Variants in GNPNAT1 observed in about 807,000 individuals in gnomAD.
GNPNAT1 encodes glucosamine-phosphate N-acetyltransferase 1.
GNPNAT1 carries 11 observed loss-of-function variants against 19.8 expected under a neutral mutation model. The observed-to-expected ratio is 0.56, with a 90% CI of 0.35 to 0.92. The LOEUF is 0.92. Ranked by LOEUF, GNPNAT1 falls within the 40% of genes least tolerant of loss-of-function variation. The probability of loss-of-function intolerance (pLI) is 0.01; values close to 1 mark genes in which losing one functional copy is unlikely to be tolerated. For synonymous variants in GNPNAT1, 71 were observed against 72.3 expected (o/e 0.98, Z 0.09); for missense variants, 157 against 211.0 (o/e 0.74, Z 1.59).
rs1883164056 is a variant in GNPNAT1, at chr14:52,791,127, C to G, written c.-15+301G>C. On this transcript the variant is annotated intron_variant, in intron 1 of 5. Transcript: ENST00000216410. This position sits in a 1 kb window ranked among gnomAD's most constrained non-coding sequence, Gnocchi z 4.1. ...ATTTCCCACGCCAAAGTCTGGGGAG[C>G]GAAGTTCCGACCCCAGTCCCAGTTC... 6.6e-6 allele frequency among the ~76,000 whole-genome samples: 1 copy of G among 152,168 alleles called. No homozygotes were observed. Among genetic ancestry groups the G allele is most frequent in the Admixed American group, 6.5e-5 (1 of 15,278 alleles).
intron 1 of GNPNAT1, among the ~76,000 whole-genome samples, chr14:52,788,667 T>C (rs1288254756): frequency 6.6e-6 from 1 of 152,220 alleles, no homozygotes; most frequent in Non-Finnish European, 1.5e-5. Flanking sequence ...ATTAAACATA[T>C]AGTTGTAAAT....
chr14:52,786,996 T>G (rs1883038612), intron 1 of GNPNAT1, among the ~76,000 whole-genome samples: 1 of 151,768 alleles, frequency 6.6e-6, no homozygotes, highest in Admixed American at 6.6e-5. Context: ...GCACAAATAT[T>G]TTACACAATA....
At chr14:52,786,053 A>G (rs1424196563) in intron 1 of GNPNAT1, among the ~76,000 whole-genome samples, 13 of 120,734 alleles carry the variant, frequency 1.1e-4, no homozygotes, top group Non-Finnish European at 2.2e-4. Flanking sequence ...GTCTAGCCAC[A>G]TGTAGCTTTT....
chr14:52,779,691 C>G (rs1882835316), intron 5 of GNPNAT1, among the ~76,000 whole-genome samples: 1 of 127,670 alleles, frequency 7.8e-6, no homozygotes, highest in Non-Finnish European at 1.6e-5. Context: ...ACTGTATACT[C>G]CAGCCTGGGC....
At chr14:52,783,768 A>G (rs1352419069) in intron 2 of GNPNAT1, among the ~76,000 whole-genome samples, 1 of 152,138 alleles carries the variant, frequency 6.6e-6, no homozygotes, top group Non-Finnish European at 1.5e-5. Context: ...TCAATGTATT[A>G]TATTTTACAT....
chr14:52,781,517 A>T (rs960072510), intron 4 of GNPNAT1, among the ~76,000 whole-genome samples: 7 of 151,828 alleles, frequency 4.6e-5, no homozygotes, highest in Admixed American at 6.6e-5. Context: ...TGTTTTTTTT[A>T]AAAGAGTAAC....
At chr14:52,788,994 GTTAACTC>G (rs1225109763) in intron 1 of GNPNAT1, among the ~76,000 whole-genome samples, 1 of 152,116 alleles carries the variant, frequency 6.6e-6, no homozygotes, top group African/African-American at 2.4e-5. Flanking sequence ...CTTTCTATAT[GTTAACTC>G]TTAAAAATAC....
rs745995419 is a variant in GNPNAT1, at chr14:52,778,251, A to C, written c.*60T>G. On this transcript the variant is annotated 3_prime_UTR_variant, in exon 6 of 6. Transcript: ENST00000216410. ...TCGGCTGCAGCAACAAAATATTTCA[A>C]CTCTAGGAAGAGTGTAGCCTTGTAG... 11 of 1,318,348 alleles carry C rather than the reference A, an allele frequency of 8.3e-6. No homozygotes were observed. The highest frequency in any genetic ancestry group is 1.1e-5 in the Non-Finnish European group (11 of 971,506). 81.7% of individuals were successfully genotyped at this position (1,318,348 alleles called of 1,614,324 possible).
chr14:52,786,174 A>G (rs1883014393), intron 1 of GNPNAT1, among the ~76,000 whole-genome samples: 1 of 150,456 alleles, frequency 6.6e-6, no homozygotes, highest in Admixed American at 6.7e-5. Flanking sequence ...CTAGATATAC[A>G]CTGCAGGATT....
Position 52,776,160 on chromosome 14 carries a change from AC to A in GNPNAT1, c.*2150del, listed in dbSNP as rs1223868357. ...GCGCTCTAGCCTGGGCAACAGCGAG[AC>A]CTTGTCTCAACAACAACAACAACAA... On this transcript the variant is annotated 3_prime_UTR_variant, in exon 6 of 6. Coordinates refer to ENST00000216410, the MANE Select transcript of GNPNAT1 (RefSeq NM_198066.4). 6.6e-6 allele frequency: 1 copy of A among 152,330 alleles called. No homozygotes were observed. Among genetic ancestry groups the A allele is most frequent in the Non-Finnish European group, 1.5e-5 (1 of 68,272 alleles). The allele number at this position is 152,330 out of a possible 1,614,324, so 9.4% of individuals were successfully genotyped here.
Position 52,778,326 on chromosome 14 carries a change from C to T in GNPNAT1, c.540G>A (p.Arg180=). The T allele has an allele frequency of 6.3e-7, 1 of 1,593,702 alleles. No homozygotes were observed. Among genetic ancestry groups the T allele is most frequent in the South Asian group, 1.1e-5 (1 of 88,098 alleles). The change falls in exon 6 of 6, where the codon CGG becomes CGA. Residue 180 remains arginine (R), a synonymous_variant. Coordinates refer to ENST00000216410, the MANE Select transcript of GNPNAT1 (RefSeq NM_198066.4). ...YTVSEENYMC[R]RFLK is the part of the protein sequence containing the mutation. ...TACAAGATTTTTACTTTAGAAACCT[C>T]CGACACATGTAGTTTTCTTCAGATA...
chr14:52,778,653 C>T (rs530372374), intron 5 of GNPNAT1, among the ~76,000 whole-genome samples, 195 bp from the exon 6 acceptor site: 3 of 152,168 alleles, frequency 2.0e-5, no homozygotes, highest in African/African-American at 7.2e-5. Context: ...GTCAAATATA[C>T]TTTTATCTAG....
chr14:52,778,286 C>G lies in GNPNAT1; in HGVS notation c.*25G>C. 1 of 1,558,554 alleles carries G rather than the reference C, an allele frequency of 6.4e-7. No individual in the cohort carries two copies. ...GAGTGTAGCCTTGTAGCATTAGCCCCTTTGACAATTTTCTTACAAGATTTT... is the reference window on the plus strand; with the variant it reads ...GAGTGTAGCCTTGTAGCATTAGCCCGTTTGACAATTTTCTTACAAGATTTT... On this transcript the variant is annotated 3_prime_UTR_variant, in exon 6 of 6. Coordinates refer to ENST00000216410, the MANE Select transcript of GNPNAT1 (RefSeq NM_198066.4).
chr14:52,785,751 C>CTT (rs538972941), intron 1 of GNPNAT1, among the ~76,000 whole-genome samples: 230 of 138,524 alleles, frequency 1.7e-3, no homozygotes, highest in African/African-American at 3.5e-3. Flanking sequence ...GGCATGTAGC[C>CTT]TTTTTTTTTT....
Position 52,781,917 on chromosome 14 carries a change from G to T in GNPNAT1, c.218-6C>A, listed in dbSNP as rs1882902704. The T allele has an allele frequency of 6.2e-7, 1 of 1,600,266 alleles. No individual in the cohort carries two copies. On this transcript the variant is annotated splice_region_variant and splice_polypyrimidine_tract_variant and intron_variant, in intron 3 of 5. Transcript: ENST00000216410. ...CTTCATATGCTCAAAAGATTCTGTG[G>T]AAATTGGATAACAAAGTGTTACATA...
chr14:52,784,903 T>C (rs1425547327), intron 1 of GNPNAT1, among the ~76,000 whole-genome samples: 3 of 149,438 alleles, frequency 2.0e-5, no homozygotes, highest in Admixed American at 6.7e-5. Flanking sequence ...TTTTAAACTA[T>C]AAAATCCCAT....
At chr14:52,789,986 C>CAAAAAAAAAA (rs200756037) in intron 1 of GNPNAT1, among the ~76,000 whole-genome samples, 4 of 107,198 alleles carry the variant, frequency 3.7e-5, no homozygotes, top group Admixed American at 1.0e-4. Flanking sequence ...TCCAGAAGGA[C>CAAAAAAAAAA]AAAAAAAAAA....
intron 1 of GNPNAT1, among the ~76,000 whole-genome samples, chr14:52,785,569 C>G (rs1403865089): frequency 6.6e-6 from 1 of 151,056 alleles, no homozygotes; most frequent in East Asian, 2.1e-4. Context: ...ACTAAAAATA[C>G]AAAATTAGTC....
intron 1 of GNPNAT1, among the ~76,000 whole-genome samples, chr14:52,786,495 A>G (rs1040977741): frequency 2.0e-5 from 3 of 151,912 alleles, no homozygotes; most frequent in Admixed American, 1.3e-4. Flanking sequence ...CAAGAGTGAA[A>G]CTCCGTCTCA....
Sources: gnomAD v4.1 joint callset for allele counts (sites outside exome capture counted in the v4.1 genomes callset) on GRCh38, gnomAD v4.1.1 for gene constraint, Gnocchi (gnomAD v3.1) non-coding constraint, MANE v1.5 for transcripts, NCBI Gene and HGNC (gene_info 2026-07-23, HGNC 2026-07-21) for gene names.